CENPH: variants seen among roughly 807,000 people sequenced by gnomAD.
The protein encoded by CENPH is centromere protein H.
Under a neutral mutation model 42.9 loss-of-function variants are expected in CENPH, and 40 were observed. That is an observed-to-expected ratio of 0.93 (90% confidence interval 0.72 to 1.21). CENPH has a LOEUF of 1.21. Ranked by LOEUF, CENPH falls within the 50% of genes most tolerant of loss-of-function variation. CENPH has a pLI of 0.00. For missense variants in CENPH, 302 were observed against 292.9 expected, an observed-to-expected ratio of 1.03 and a Z score of -0.23; for synonymous variants, 88 against 96.5, an observed-to-expected ratio of 0.91 and a Z score of 0.52.
At chr5:69,192,749 G>A (rs932479535) in intron 2 of CENPH, among the ~76,000 whole-genome samples, 2 of 152,178 alleles carry the variant, frequency 1.3e-5, no homozygotes, top group Non-Finnish European at 2.9e-5. Context: ...GCAACAGAGT[G>A]AGACTGTCAG....
At chr5:69,204,679 C>T (rs916571504) in intron 7 of CENPH, among the ~76,000 whole-genome samples, 3 of 136,138 alleles carry the variant, frequency 2.2e-5, no homozygotes, top group South Asian at 4.9e-4. Flanking sequence ...AATCTCGGCT[C>T]ACTGCAACTT....
At chr5:69,203,613 C>A (rs1748093265) in intron 7 of CENPH, among the ~76,000 whole-genome samples, 1 of 152,062 alleles carries the variant, frequency 6.6e-6, no homozygotes, top group South Asian at 2.1e-4. Context: ...AGATGATCCA[C>A]CTGCCTCGGC....
chr5:69,201,534 G>A (rs2112090120), intron 5 of CENPH, among the ~76,000 whole-genome samples: 2 of 152,264 alleles, frequency 1.3e-5, no homozygotes, highest in South Asian at 4.1e-4. Context: ...TGCAATAATG[G>A]TGGATGCATG....
intron 5 of CENPH, among the ~76,000 whole-genome samples, chr5:69,201,492 A>G (rs1170090429): frequency 2.0e-5 from 3 of 152,224 alleles, no homozygotes; most frequent in African/African-American, 7.2e-5. Context: ...GAAGTAAAAA[A>G]GCAGTTTGTT....
chr5:69,197,245 C>A (rs1747978856), intron 5 of CENPH, 136 bp downstream of exon 5: 1 of 472,556 alleles, frequency 2.1e-6, no homozygotes, highest in Non-Finnish European at 3.7e-6. Context: ...TTTTGTAGGT[C>A]CTCCCCAGAA....
intron 1 of CENPH, 73 bp from the exon 2 acceptor site, chr5:69,191,722 G>A: frequency 1.2e-6 from 1 of 819,178 alleles, no homozygotes; most frequent in Non-Finnish European, 2.1e-6. Flanking sequence ...GAATGAGTTG[G>A]TTCGTCATGT....
At position 69,204,890 on chromosome 5, in the gene CENPH, C is replaced by G. The variant is rs572700810; in HGVS notation, c.487+1920C>G. 1.3e-3 allele frequency among the ~76,000 whole-genome samples: 186 copies of G among 148,544 alleles called. 1 individual carries two copies. The highest frequency in any genetic ancestry group is 1.5e-3 in the Non-Finnish European group (104 of 67,324). On this transcript the variant is annotated intron_variant, in intron 7 of 8. Coordinates refer to ENST00000283006, the MANE Select transcript of CENPH (RefSeq NM_022909.4). ...AAGTGTTGGGATTACAGGTATGAGC[C>G]ATCGCACCCAGCCATTTTTTTTCTT... is the stretch of plus-strand genomic sequence containing the variant.
intron 4 of CENPH, 53 bp from the exon 5 acceptor site, chr5:69,197,000 T>C (rs1747975022): frequency 8.7e-6 from 10 of 1,146,748 alleles, no homozygotes; most frequent in Non-Finnish European, 1.2e-5. Flanking sequence ...ATTTTTTTAA[T>C]GTACCACAAA....
chr5:69,206,630 A>C (rs1220723567), intron 7 of CENPH, among the ~76,000 whole-genome samples: 1 of 151,836 alleles, frequency 6.6e-6, no homozygotes, highest in East Asian at 1.9e-4. Context: ...CTGGGATTAC[A>C]TGGGATTACA....
chr5:69,194,535 T>C (rs1747931551), intron 2 of CENPH, 112 bp from the exon 3 acceptor site: 1 of 587,510 alleles, frequency 1.7e-6, no homozygotes, highest in Non-Finnish European at 3.1e-6. Flanking sequence ...TTTTCTGTAA[T>C]GTGAAAACGA....
At chr5:69,196,619 T>C (rs368403600) in intron 4 of CENPH, among the ~76,000 whole-genome samples, 1 of 152,106 alleles carries the variant, frequency 6.6e-6, no homozygotes, top group Non-Finnish European at 1.5e-5. Context: ...TGCACTCCAT[T>C]GTGGGTGACA....
chr5:69,190,759 G>A (rs989061573), intron 1 of CENPH, among the ~76,000 whole-genome samples: 11 of 152,028 alleles, frequency 7.2e-5, no homozygotes, highest in Admixed American at 5.2e-4. Context: ...GCGTGGTGGC[G>A]GGCGCCTGTA....
At chr5:69,201,909 A>T (rs1748065605) in intron 5 of CENPH, among the ~76,000 whole-genome samples, 1 of 152,136 alleles carries the variant, frequency 6.6e-6, no homozygotes, top group South Asian at 2.1e-4. Flanking sequence ...TTGATGTAAA[A>T]TCCGGACTTT....
chr5:69,199,230 G>A (rs1436815758), intron 5 of CENPH, among the ~76,000 whole-genome samples: 5 of 152,162 alleles, frequency 3.3e-5, no homozygotes, highest in African/African-American at 1.2e-4. Context: ...TCAGGCTGGA[G>A]TGCAGTGGCG....
Position 69,189,655 on chromosome 5 carries a change from G to T in CENPH, c.21G>T (p.Met7Ile). MEEQPQ[M>I]QDADEPADSG... ...CAGCAATGGAGGAGCAGCCCCAGATGCAAGACGCCGACGAGCCCGCGGACT... is the reference window on the plus strand; with the variant it reads ...CAGCAATGGAGGAGCAGCCCCAGATTCAAGACGCCGACGAGCCCGCGGACT... The change falls in exon 1 of 9, where the codon ATG becomes ATT. Residue 7 changes from methionine (M) to isoleucine (I), a missense_variant. By Grantham distance (10) the Met-to-Ile change is conservative. Coordinates refer to ENST00000283006, the MANE Select transcript of CENPH (RefSeq NM_022909.4). 6.2e-7 allele frequency: 1 copy of T among 1,601,394 alleles called. No homozygotes were observed. The highest frequency in any genetic ancestry group is 8.5e-7 in the Non-Finnish European group (1 of 1,176,028).
chr5:69,206,401 G>A (rs201386554), intron 7 of CENPH, among the ~76,000 whole-genome samples: 3 of 151,104 alleles, frequency 2.0e-5, no homozygotes, highest in East Asian at 3.9e-4. Flanking sequence ...GGCTGGTCTC[G>A]AACTCCCTAC....
chr5:69,193,002 C>T (rs1747901818), intron 2 of CENPH, among the ~76,000 whole-genome samples: 1 of 151,736 alleles, frequency 6.6e-6, no homozygotes, highest in Non-Finnish European at 1.5e-5. Context: ...GAGGCTGAGG[C>T]AGGAGAATCG....
chr5:69,191,160 T>C (rs1747864849), intron 1 of CENPH, among the ~76,000 whole-genome samples: 1 of 152,144 alleles, frequency 6.6e-6, no homozygotes, highest in Non-Finnish European at 1.5e-5. Context: ...TGGTTTGGGG[T>C]TTAATCATTT....
At chr5:69,209,402 G>C (rs527863492) in intron 8 of CENPH, among the ~76,000 whole-genome samples, 52 of 152,136 alleles carry the variant, frequency 3.4e-4, no homozygotes, top group Middle Eastern at 6.8e-3. Flanking sequence ...GCCGGGTGTG[G>C]TGGTGGGCGC....
Sources: gnomAD v4.1 joint callset for allele counts (sites outside exome capture counted in the v4.1 genomes callset) on GRCh38, gnomAD v4.1.1 for gene constraint, MANE v1.5 for transcripts, NCBI Gene and HGNC (gene_info 2026-07-23, HGNC 2026-07-21) for gene names.